The following CSMD3 variants were observed in gnomAD, a reference collection of about 807,000 sequenced individuals.
CSMD3 encodes the protein CUB and Sushi multiple domains 3, also known as CUB and sushi domain-containing protein 3.
A neutral mutation model predicts 435.2 loss-of-function variants in CSMD3; 177 were observed. The ratio of observed to expected loss-of-function variants is 0.41; its 90% CI spans 0.36 to 0.46. The LOEUF is 0.46. Ranked by LOEUF, CSMD3 falls within the 20% of genes least tolerant of loss-of-function variation. The pLI is 0.34. For missense variants in CSMD3, 4,265 were observed against 4,504.6 expected (o/e 0.95, Z 1.52); for synonymous variants, 1,656 against 1,520.5 (o/e 1.09, Z -2.07).
chr8:113,111,246 A>T (rs1042977893), intron 4 of CSMD3, among the ~76,000 whole-genome samples: 2 of 152,112 alleles, frequency 1.3e-5, no homozygotes, highest in Non-Finnish European at 2.9e-5. Flanking sequence ...GATTATATAT[A>T]TATTTATGGG....
At chr8:112,483,122 C>T (rs1428591531) in intron 31 of CSMD3, among the ~76,000 whole-genome samples, 1 of 151,996 alleles carries the variant, frequency 6.6e-6, no homozygotes, top group Non-Finnish European at 1.5e-5. Context: ...GAGTATAAAA[C>T]TCATAGATTT....
At chr8:112,610,467 C>T (rs1833171056) in intron 22 of CSMD3, among the ~76,000 whole-genome samples, 1 of 152,104 alleles carries the variant, frequency 6.6e-6, no homozygotes, top group Non-Finnish European at 1.5e-5. Context: ...CCCACTATCA[C>T]ATTTCAAATG....
At position 112,408,769 on chromosome 8, in the gene CSMD3, TTTCTA is replaced by T. The variant is rs1028539492; in HGVS notation, c.5509+145_5509+149del. The T allele has an allele frequency of 2.3e-6, 3 of 1,287,250 alleles. No individual in the cohort carries two copies. In the African/African-American group the frequency reaches 4.5e-5, roughly 19 times the overall value. The allele number at this position is 1,287,250 out of a possible 1,614,324, so 79.7% of individuals were successfully genotyped here. On this transcript the variant is annotated intron_variant, in intron 33 of 70. Coordinates refer to ENST00000297405, the MANE Select transcript of CSMD3 (RefSeq NM_198123.2). ...TTCTCAACCTTCTGAGTTAATTTTG[TTTCTA>T]TTCTTTAGAAAAAAAAAAGGTGACA...
At chr8:113,184,899 A>G (rs2092476008) in intron 3 of CSMD3, among the ~76,000 whole-genome samples, 1 of 152,066 alleles carries the variant, frequency 6.6e-6, no homozygotes, top group Non-Finnish European at 1.5e-5. Context: ...CCATTCATTT[A>G]TTCCATAACC....
intron 1 of CSMD3, among the ~76,000 whole-genome samples, chr8:113,367,558 G>A (rs2133033382): frequency 6.6e-6 from 1 of 152,148 alleles, no homozygotes; most frequent in African/African-American, 2.4e-5. Context: ...AATATTATCT[G>A]AACTCTTTAC....
At chr8:113,207,353 C>T (rs1328254740) in intron 3 of CSMD3, among the ~76,000 whole-genome samples, 1 of 150,642 alleles carries the variant, frequency 6.6e-6, no homozygotes, top group Non-Finnish European at 1.5e-5. Context: ...ATCTTTTTTT[C>T]TCCCGAAATA....
chr8:112,626,113 C>CA (rs1462561377), intron 22 of CSMD3, among the ~76,000 whole-genome samples: 8 of 151,388 alleles, frequency 5.3e-5, no homozygotes, highest in Admixed American at 1.3e-4. Flanking sequence ...GACAAAATAT[C>CA]AAAAAAAACC....
intron 3 of CSMD3, among the ~76,000 whole-genome samples, chr8:113,252,330 T>C (rs1312666202): frequency 6.6e-6 from 1 of 152,084 alleles, no homozygotes; most frequent in East Asian, 1.9e-4. Flanking sequence ...CTATAACAAA[T>C]GATGATCCAC....
chr8:113,223,752 ATGTGTGTGTATGTG>A (rs1048577304), intron 3 of CSMD3, among the ~76,000 whole-genome samples: 4 of 120,922 alleles, frequency 3.3e-5, no homozygotes, highest in Admixed American at 7.9e-5. Flanking sequence ...GTGTGTGTTT[ATGTGTGTGTATGTG>A]TGTGTGTGTG....
intron 3 of CSMD3, 67 bp downstream of exon 3, chr8:113,278,525 T>C: frequency 2.6e-6 from 2 of 775,370 alleles, no homozygotes; most frequent in South Asian, 2.8e-5. Flanking sequence ...GATTCTTCTT[T>C]CCTACTTGAA....
chr8:112,234,513 T>A, intron 67 of CSMD3, 36 bp from the exon 68 acceptor site: 1 of 1,057,840 alleles, frequency 9.5e-7, no homozygotes, highest in Non-Finnish European at 1.5e-6. Context: ...CTACTTAACT[T>A]TGTAAATAGT....
intron 1 of CSMD3, among the ~76,000 whole-genome samples, chr8:113,423,081 T>C (rs112097634): frequency 0.012 from 1,877 of 152,080 alleles, 47 homozygotes; most frequent in African/African-American, 0.043. Context: ...TGAATGTAAT[T>C]TTATATATGT....
intron 5 of CSMD3, among the ~76,000 whole-genome samples, chr8:113,055,428 G>T (rs936236319): frequency 1.3e-5 from 2 of 152,142 alleles, no homozygotes; most frequent in Non-Finnish European, 2.9e-5. Flanking sequence ...TAAAGTGTTT[G>T]AGTCCATTGT....
rs541619583 is a variant in CSMD3, at chr8:112,373,244, G to T, written c.6136+7108C>A. 3.7e-4 allele frequency among the ~76,000 whole-genome samples: 56 copies of T among 152,084 alleles called. No individual in the cohort carries two copies. The South Asian group carries it at 0.012, about 32-fold the overall frequency. ...GAAAACCTTAAAGTGTTCTGCATCT[G>T]TTGCTGGTATTCATAGTGTGATTAT... On this transcript the variant is annotated intron_variant, in intron 38 of 70. Transcript: ENST00000297405.
At position 112,638,648 on chromosome 8, in the gene CSMD3, CT is replaced by C. The variant is rs760902895; in HGVS notation, c.3526+47del. 5.9e-6 allele frequency: 7 copies of C among 1,190,970 alleles called. No individual in the cohort carries two copies. The South Asian group carries it at 7.4e-5, about 13-fold the overall frequency. The allele number at this position is 1,190,970 out of a possible 1,614,324, so 73.8% of individuals were successfully genotyped here. ...GTTATGCTCATATCTTGAAAAATTGCTTTTTTAAAAGTTACTGAATGAGCCC... is the reference window on the plus strand; with the variant it reads ...GTTATGCTCATATCTTGAAAAATTGCTTTTTAAAAGTTACTGAATGAGCCC... On this transcript the variant is annotated intron_variant, in intron 21 of 70. Transcript: ENST00000297405.
chr8:112,284,022 T>G (rs1818926025), intron 58 of CSMD3, among the ~76,000 whole-genome samples: 1 of 151,798 alleles, frequency 6.6e-6, no homozygotes, highest in African/African-American at 2.4e-5. Context: ...ATATGTAAAA[T>G]TATGTATCAA....
At chr8:113,127,048 A>T (rs1421832354) in intron 4 of CSMD3, among the ~76,000 whole-genome samples, 1 of 152,000 alleles carries the variant, frequency 6.6e-6, no homozygotes, top group African/African-American at 2.4e-5. Flanking sequence ...AGGTGTTTAC[A>T]TAGCACCACA....
intron 32 of CSMD3, among the ~76,000 whole-genome samples, chr8:112,455,041 A>C (rs546443468): frequency 1.4e-4 from 22 of 151,822 alleles, no homozygotes; most frequent in Non-Finnish European, 3.1e-4. Context: ...AAAAAAAAAA[A>C]ACCAACCAAT....
intron 41 of CSMD3, among the ~76,000 whole-genome samples, chr8:112,344,262 G>A (rs1825462290): frequency 6.6e-6 from 1 of 152,110 alleles, no homozygotes; most frequent in African/African-American, 2.4e-5. Context: ...CTAGGCTGAT[G>A]TCCATTCTAA....
Sources: allele counts gnomAD v4.1 joint callset (sites outside exome capture counted in the v4.1 genomes callset), GRCh38; gene constraint gnomAD v4.1.1; transcripts MANE v1.5; gene names NCBI Gene and HGNC (gene_info 2026-07-23, HGNC 2026-07-21).